The following LAMA2 variants were observed in gnomAD, a reference collection of about 807,000 sequenced individuals.
LAMA2 encodes laminin subunit alpha-2.
Under a neutral mutation model 364.8 loss-of-function variants are expected in LAMA2, and 269 were observed. The ratio of observed to expected loss-of-function variants is 0.74; its 90% CI spans 0.67 to 0.82. The LOEUF is 0.82. LAMA2 is among the 40% of genes least tolerant of loss of function. The probability of loss-of-function intolerance (pLI) is 0.00; values close to 1 mark genes in which losing one functional copy is unlikely to be tolerated. For missense variants in LAMA2, 3,807 were observed against 3,873.2 expected, an observed-to-expected ratio of 0.98 and a Z score of 0.45; for synonymous variants, 1,379 against 1,370.6, an observed-to-expected ratio of 1.01 and a Z score of -0.14.
chr6:129,090,702 TAG>T (rs989036056), intron 3 of LAMA2, among the ~76,000 whole-genome samples: 5 of 152,338 alleles, frequency 3.3e-5, no homozygotes, highest in South Asian at 2.1e-4. Flanking sequence ...TAGATAAATT[TAG>T]AGAGTTACTC....
At chr6:129,056,551 G>T (rs1003670488) in intron 2 of LAMA2, among the ~76,000 whole-genome samples, 14 of 152,038 alleles carry the variant, frequency 9.2e-5, no homozygotes, top group African/African-American at 3.4e-4. Context: ...GTCTTGTACA[G>T]TCATATTAAG....
intron 4 of LAMA2, among the ~76,000 whole-genome samples, chr6:129,128,832 G>A (rs1309233942): frequency 6.6e-6 from 1 of 152,088 alleles, no homozygotes; most frequent in Non-Finnish European, 1.5e-5. Context: ...CCTTTATTCT[G>A]TAAATGGCAT....
At chr6:129,037,827 A>G (rs571313556) in intron 1 of LAMA2, among the ~76,000 whole-genome samples, 49 of 152,076 alleles carry the variant, frequency 3.2e-4, no homozygotes, top group Admixed American at 1.2e-3. Context: ...TTGCCACCAC[A>G]CCTGGCTAAT....
Position 129,313,019 on chromosome 6 carries a change from T to A in LAMA2, c.3333T>A (p.Pro1111=), listed in dbSNP as rs1257217941. 43 of 1,614,070 alleles carry A rather than the reference T, an allele frequency of 2.7e-5. No homozygotes were observed. In the East Asian group the frequency reaches 9.6e-4, roughly 36 times the overall value. ...PRCNLCDCFL[P]GTDATTCDSE... ...GCAATCTCTGTGACTGCTTCCTCCC[T>A]GGGACAGATGCCACAACCTGTGATT... The change falls in exon 23 of 65, where the codon CCT becomes CCA. Residue 1111 remains proline (P), a synonymous_variant. Transcript: ENST00000421865.
chr6:129,271,747 G>A (rs1787956939), intron 17 of LAMA2, among the ~76,000 whole-genome samples: 2 of 152,066 alleles, frequency 1.3e-5, no homozygotes, highest in African/African-American at 4.8e-5. Context: ...ACACTTTCCA[G>A]CTATCTCTAG....
intron 1 of LAMA2, among the ~76,000 whole-genome samples, chr6:129,015,724 G>T (rs1266147449): frequency 6.6e-6 from 1 of 152,046 alleles, no homozygotes; most frequent in African/African-American, 2.4e-5. Flanking sequence ...AATTGGAAAT[G>T]ATGCACATAA....
At chr6:129,120,173 A>G (rs1030254284) in intron 4 of LAMA2, among the ~76,000 whole-genome samples, 1 of 152,206 alleles carries the variant, frequency 6.6e-6, no homozygotes, top group Admixed American at 6.5e-5. Flanking sequence ...TATTTTGGTG[A>G]TTGTAAAAAT....
chr6:129,448,220 C>T lies in LAMA2; in HGVS notation c.6429+2399C>T, dbSNP rs545467458. On this transcript the variant is annotated intron_variant, in intron 45 of 64. Coordinates refer to ENST00000421865, the MANE Select transcript of LAMA2 (RefSeq NM_000426.4). ...GGATCACTTGCTCTGGAGGATGAGG[C>T]TGCAGTGAGCCATGTTTGCACCATG... is the stretch of plus-strand genomic sequence containing the variant. 1.8e-3 allele frequency among the ~76,000 whole-genome samples: 271 copies of T among 151,986 alleles called. 1 individual carries two copies. The highest frequency in any genetic ancestry group is 5.4e-3 in the Admixed American group (83 of 15,268).
chr6:129,317,305 A>G (rs562463153), intron 27 of LAMA2, among the ~76,000 whole-genome samples: 29 of 152,332 alleles, frequency 1.9e-4, no homozygotes, highest in Admixed American at 6.5e-4. Context: ...ATAGTCTTAT[A>G]TAATAAATTA....
At chr6:129,168,323 T>C (rs1212878782) in intron 9 of LAMA2, among the ~76,000 whole-genome samples, 1 of 150,686 alleles carries the variant, frequency 6.6e-6, no homozygotes, top group African/African-American at 2.4e-5. Flanking sequence ...CTTTAATCCA[T>C]CTTGAATTGA....
chr6:129,168,476 C>G (rs985736970), intron 9 of LAMA2, among the ~76,000 whole-genome samples: 10 of 152,210 alleles, frequency 6.6e-5, no homozygotes, highest in South Asian at 4.1e-4. Flanking sequence ...GGTAGTTGTA[C>G]ATATGCGGCG....
chr6:129,035,102 C>G (rs748832327), intron 1 of LAMA2, among the ~76,000 whole-genome samples: 20 of 152,034 alleles, frequency 1.3e-4, no homozygotes, highest in Admixed American at 3.9e-4. Context: ...TTCCCACCAG[C>G]AGCGTATAAG....
At position 128,961,318 on chromosome 6, in the gene LAMA2, GATATATATAT is replaced by G. The variant is rs58772123; in HGVS notation, c.112+78002_112+78011del. On this transcript the variant is annotated intron_variant, in intron 1 of 64. Transcript: ENST00000421865. ...TTCTGTAGAGGGACAGAACTAATATGATATATATATATATATATATATATATATATATATA... is the reference window on the plus strand; with the variant it reads ...TTCTGTAGAGGGACAGAACTAATATGATATATATATATATATATATATATA... 3.9e-3 allele frequency among the ~76,000 whole-genome samples: 228 copies of G among 57,756 alleles called. 2 individuals are homozygous for G. Among genetic ancestry groups the G allele is most frequent in the Middle Eastern group, 8.5e-3 (1 of 118 alleles). 37.9% of individuals were successfully genotyped at this position (57,756 alleles called of 152,430 possible).
At position 129,383,187 on chromosome 6, in the gene LAMA2, A is replaced by G; in HGVS notation, c.5025A>G (p.Ala1675=). Residue 1675 remains alanine (A), a synonymous_variant, in exon 35 of 65, where the codon GCA becomes GCG. Transcript: ENST00000421865. ...GQDAERTNTR[A]KSLGEFIKEL... ...ATGCTGAGAGGACCAACACAAGAGC[A>G]AAGTCCCTGGGAGAATTCATTAAGG... The G allele has an allele frequency of 6.2e-7, 1 of 1,613,944 alleles. No individual in the cohort carries two copies. The highest frequency in any genetic ancestry group is 8.5e-7 in the Non-Finnish European group (1 of 1,179,930).
At chr6:128,979,642 T>C (rs145393297) in intron 1 of LAMA2, among the ~76,000 whole-genome samples, 1 of 152,328 alleles carries the variant, frequency 6.6e-6, no homozygotes, top group East Asian at 1.9e-4. Flanking sequence ...AAGAACAAAC[T>C]ATCTTGCAAG....
intron 1 of LAMA2, among the ~76,000 whole-genome samples, chr6:129,026,357 G>T (rs1562164444): frequency 1.3e-5 from 2 of 152,074 alleles, no homozygotes. Flanking sequence ...GTCGAGTTGT[G>T]AGCAGCACAG....
At chr6:129,242,236 A>C (rs913047553) in intron 12 of LAMA2, among the ~76,000 whole-genome samples, 4 of 152,172 alleles carry the variant, frequency 2.6e-5, no homozygotes, top group African/African-American at 9.6e-5. Context: ...AACATGATGA[A>C]TATCCTTAAA....
intron 56 of LAMA2, chr6:129,490,553 A>T (rs1414964464): frequency 6.6e-6 from 1 of 152,234 alleles, no homozygotes; most frequent in Non-Finnish European, 1.5e-5. Context: ...ACAGAGGCTT[A>T]TATCCTTCAT....
chr6:128,963,038 G>T (rs1781626922), intron 1 of LAMA2, among the ~76,000 whole-genome samples: 2 of 151,964 alleles, frequency 1.3e-5, no homozygotes, highest in African/African-American at 4.8e-5. Flanking sequence ...TTTTGGAAAA[G>T]CAAAACAAGA....
Sources: gnomAD v4.1 joint callset for allele counts (sites outside exome capture counted in the v4.1 genomes callset) on GRCh38, gnomAD v4.1.1 for gene constraint, MANE v1.5 for transcripts, NCBI Gene and HGNC (gene_info 2026-07-23, HGNC 2026-07-21) for gene names.